Variants in USP40 observed in about 807,000 individuals in gnomAD.
USP40 encodes ubiquitin specific peptidase 40.
A neutral mutation model predicts 166.2 loss-of-function variants in USP40; 143 were observed. The ratio of observed to expected loss-of-function variants is 0.86; its 90% CI spans 0.75 to 0.99. The LOEUF (loss-of-function observed/expected upper bound fraction) is 0.99, where lower values mean the gene tolerates loss of function less well. USP40 is among the 50% of genes least tolerant of loss of function. The probability of loss-of-function intolerance (pLI) is 0.00; values close to 1 mark genes in which losing one functional copy is unlikely to be tolerated. For missense variants in USP40, 1,444 were observed against 1,479.7 expected (o/e 0.98, Z 0.40); for synonymous variants, 498 against 524.0 (o/e 0.95, Z 0.68).
chr2:233,551,512 T>C lies in USP40; in HGVS notation c.701A>G (p.Lys234Arg), dbSNP rs554064888. 1 of 1,591,934 alleles carries C rather than the reference T, an allele frequency of 6.3e-7. No individual in the cohort carries two copies. Among genetic ancestry groups the C allele is most frequent in the African/African-American group, 1.4e-5 (1 of 73,752 alleles). The change falls in exon 7 of 32, where the codon AAA becomes AGA. Residue 234 changes from lysine to arginine, a missense_variant. By Grantham distance (26) the Lys-to-Arg change is conservative. Coordinates refer to ENST00000678225, the MANE Select transcript of USP40 (RefSeq NM_001365479.2). Reference protein sequence around the residue: ...DRLVKAAKSAKLRKLPPFLTV... With the variant: ...DRLVKAAKSARLRKLPPFLTV... ...AAGAAAAGGAGGCAGCTTACGTAAT[T>C]TGGCCGACTGTTAAAAGAAAAATTT...
chr2:233,550,633 G>C (rs533922408), intron 7 of USP40, among the ~76,000 whole-genome samples: 1 of 152,128 alleles, frequency 6.6e-6, no homozygotes, highest in South Asian at 2.1e-4. Flanking sequence ...GCTAATAAAT[G>C]TTCTATTCTG....
At chr2:233,526,235 T>C (rs1479468723) in intron 13 of USP40, among the ~76,000 whole-genome samples, 3 of 152,198 alleles carry the variant, frequency 2.0e-5, no homozygotes, top group Non-Finnish European at 4.4e-5. Context: ...CTCTTGTCAG[T>C]GGCTTCCTTC....
rs1204444171 is a variant in USP40, at chr2:233,493,750, T to C, written c.2791-199A>G. ...AAATCATAAAAATCAGACTTTGGGG[T>C]GACTGGACTAAATATCCCTTGCTTA... On this transcript the variant is annotated intron_variant, in intron 24 of 31. Transcript: ENST00000678225. This position sits in a 1 kb window ranked among gnomAD's most constrained non-coding sequence, Gnocchi z 4.7. Among the ~76,000 whole-genome samples the C allele has an allele frequency of 6.6e-6, 1 of 152,166 alleles. No individual in the cohort carries two copies. The highest frequency in any genetic ancestry group is 1.5e-5 in the Non-Finnish European group (1 of 68,024).
At chr2:233,544,352 C>T (rs535746211) in intron 8 of USP40, among the ~76,000 whole-genome samples, 1 of 152,184 alleles carries the variant, frequency 6.6e-6, no homozygotes, top group East Asian at 1.9e-4. Context: ...CCCAGAAATG[C>T]CCCAAACCTA....
At chr2:233,477,603 C>A in intron 31 of USP40, 100 bp from the exon 32 acceptor site, 1 of 996,180 alleles carries the variant, frequency 1.0e-6, no homozygotes, top group Non-Finnish European at 1.5e-6. Context: ...TTATAGGCCA[C>A]AAGGACGTGC....
intron 18 of USP40, among the ~76,000 whole-genome samples, chr2:233,519,272 C>A (rs1349729593): frequency 6.6e-6 from 1 of 152,102 alleles, no homozygotes; most frequent in Non-Finnish European, 1.5e-5. Flanking sequence ...AAGGCTGTCA[C>A]AGAAAGCCTA....
At chr2:233,489,341 T>A (rs1401016964) in intron 27 of USP40, 24 bp downstream of exon 27, 1 of 1,550,778 alleles carries the variant, frequency 6.4e-7, no homozygotes, top group Non-Finnish European at 8.8e-7. Context: ...AGAGGGACAG[T>A]GTTGCGTCCA....
chr2:233,523,539 C>A (rs749120514), intron 15 of USP40, 50 bp from the exon 16 acceptor site: 1 of 1,501,622 alleles, frequency 6.7e-7, no homozygotes, highest in African/African-American at 1.4e-5. Flanking sequence ...TTGCCAACAC[C>A]GTCAACATAA....
Position 233,489,482 on chromosome 2 carries a change from G to C in USP40, c.3014C>G (p.Ala1005Gly). 1 of 1,594,120 alleles carries C rather than the reference G, an allele frequency of 6.3e-7. No homozygotes were observed. Among genetic ancestry groups the C allele is most frequent in the Admixed American group, 1.8e-5 (1 of 56,778 alleles). ...DATLAELKSQ[A>G]MTLPPFLEFG... ...CTCCAGGAAAGGAGGCAAGGTCATGGCCTAGAAAAAGAAACAGACATTTCT... is the reference window on the plus strand; with the variant it reads ...CTCCAGGAAAGGAGGCAAGGTCATGCCCTAGAAAAAGAAACAGACATTTCT... The change falls in exon 27 of 32, where the codon GCC becomes GGC. Residue 1005 changes from alanine to glycine, a missense_variant and splice_region_variant. Coordinates refer to ENST00000678225, the MANE Select transcript of USP40 (RefSeq NM_001365479.2).
In USP40 at chr2:233,493,562, G is replaced by A. The variant is rs954593085; in HGVS notation, c.2791-11C>T. ...CACCTTCAGGAAACCCTGAAGAATG[G>A]AGCATGTTTAACTGCTGTGATTACA... On this transcript the variant is annotated splice_polypyrimidine_tract_variant and intron_variant, in intron 24 of 31. Coordinates refer to ENST00000678225, the MANE Select transcript of USP40 (RefSeq NM_001365479.2). This position sits in a 1 kb window ranked among gnomAD's most constrained non-coding sequence, Gnocchi z 4.7. 1.2e-6 allele frequency: 2 copies of A among 1,607,424 alleles called. No individual in the cohort carries two copies. Among genetic ancestry groups the A allele is most frequent in the African/African-American group, 1.3e-5 (1 of 74,886 alleles).
At chr2:233,509,187 T>A (rs538504800) in intron 21 of USP40, among the ~76,000 whole-genome samples, 9 of 152,214 alleles carry the variant, frequency 5.9e-5, no homozygotes, top group South Asian at 2.1e-4. Context: ...GGAAAAAAAA[T>A]TTTTTAAGAA....
intron 8 of USP40, among the ~76,000 whole-genome samples, chr2:233,544,269 C>A (rs1032484203): frequency 2.6e-5 from 4 of 152,112 alleles, no homozygotes; most frequent in African/African-American, 9.7e-5. Context: ...TCCAGAAGGG[C>A]CCAGAGTTCA....
chr2:233,548,292 A>G (rs1026433394), intron 8 of USP40, among the ~76,000 whole-genome samples: 8 of 152,190 alleles, frequency 5.3e-5, no homozygotes, highest in Non-Finnish European at 8.8e-5. Flanking sequence ...TATGCATAAT[A>G]AACAGGACAA....
At chr2:233,550,174 T>A (rs541649487) in intron 7 of USP40, among the ~76,000 whole-genome samples, 1 of 152,208 alleles carries the variant, frequency 6.6e-6, no homozygotes, top group Non-Finnish European at 1.5e-5. Flanking sequence ...CTTAAAATAT[T>A]AAACTTTTTA....
At chr2:233,555,947 T>C (rs2071042698) in intron 5 of USP40, among the ~76,000 whole-genome samples, 2 of 151,830 alleles carry the variant, frequency 1.3e-5, no homozygotes, top group South Asian at 4.2e-4. Flanking sequence ...ACCCCGTCTC[T>C]ACTAAAAAAA....
chr2:233,509,908 A>G (rs2066684782), intron 21 of USP40, 141 bp downstream of exon 21: 3 of 619,442 alleles, frequency 4.8e-6, no homozygotes, highest in South Asian at 2.0e-5. Flanking sequence ...TAATTCCTCT[A>G]GTGAGTACAT....
At chr2:233,564,014 A>G (rs113189073) in intron 2 of USP40, among the ~76,000 whole-genome samples, 125 of 152,322 alleles carry the variant, frequency 8.2e-4, no homozygotes, top group Non-Finnish European at 1.2e-3. Context: ...CCTATTAGAA[A>G]TGTACTTATT....
At position 233,542,290 on chromosome 2, in the gene USP40, A is replaced by C; in HGVS notation, c.1040T>G (p.Ile347Ser). ...TACCTCTAATAAGATTGCTTTTAGA[A>C]TCATCAGTGGATGATCAATCTCTTC... ...SEEEIDHPLMILKAILLEEEN... is the reference protein window; with the variant it reads ...SEEEIDHPLMSLKAILLEEEN... The change falls in exon 9 of 32, where the codon ATT (isoleucine) becomes AGT (serine). Residue 347 changes from isoleucine to serine, a missense_variant. Physicochemically the swap from Ile to Ser is moderately radical, Grantham distance 142. Coordinates refer to ENST00000678225, the MANE Select transcript of USP40 (RefSeq NM_001365479.2). The C allele has an allele frequency of 6.4e-7, 1 of 1,553,852 alleles. No individual in the cohort carries two copies. The highest frequency in any genetic ancestry group is 1.3e-5 in the African/African-American group (1 of 74,102).
At chr2:233,497,091 C>T (rs2065791211) in intron 23 of USP40, among the ~76,000 whole-genome samples, 1 of 152,030 alleles carries the variant, frequency 6.6e-6, no homozygotes, top group Admixed American at 6.6e-5. Context: ...AACTGATTTA[C>T]AGAAGATGAA....
Sources: gnomAD v4.1 joint callset for allele counts (sites outside exome capture counted in the v4.1 genomes callset) on GRCh38, gnomAD v4.1.1 for gene constraint, Gnocchi (gnomAD v3.1) non-coding constraint, MANE v1.5 for transcripts, NCBI Gene and HGNC (gene_info 2026-07-23, HGNC 2026-07-21) for gene names.